Variants in SLC22A12 observed in about 807,000 individuals in gnomAD.
SLC22A12 encodes solute carrier family 22 member 12, also known as organic anion transporter 4-like protein.
A neutral mutation model predicts 52.7 loss-of-function variants in SLC22A12; 56 were observed. The observed-to-expected ratio is 1.06, with a 90% CI of 0.86 to 1.33. SLC22A12 has a LOEUF of 1.33. Among genes scored for constraint, SLC22A12 ranks in the 40% most tolerant of loss-of-function variants. SLC22A12 has a pLI of 0.00. For synonymous variants in SLC22A12, 337 were observed against 324.6 expected (o/e 1.04, Z -0.41); for missense variants, 683 against 741.5 (o/e 0.92, Z 0.92).
At position 64,591,600 on chromosome 11, in the gene SLC22A12, G is replaced by C; in HGVS notation, c.44G>C (p.Arg15Thr). The C allele has an allele frequency of 1.6e-5, 26 of 1,613,142 alleles. No homozygotes were observed. The highest frequency in any genetic ancestry group is 2.2e-5 in the Non-Finnish European group (26 of 1,180,030). Residue 15 changes from arginine (R) to threonine (T), a missense_variant, in exon 1 of 10, where the codon AGG becomes ACG. By Grantham distance (71) the Arg-to-Thr change is moderately conservative (BLOSUM62 -1). Transcript: ENST00000377574. ...ELLDLVGGLG[R>T]FQVLQTMALM... ...CTGGACCTCGTGGGTGGCCTGGGCAGGTTCCAGGTTCTCCAGACGATGGCT... is the reference window on the plus strand; with the variant it reads ...CTGGACCTCGTGGGTGGCCTGGGCACGTTCCAGGTTCTCCAGACGATGGCT...
Position 64,591,328 on chromosome 11 carries a change from TCACCTCAC to T in SLC22A12, c.-228_-221del, listed in dbSNP as rs2038909925. The T allele has an allele frequency of 2.7e-5, 16 of 591,188 alleles. No individual in the cohort carries two copies. In the Admixed American group the frequency reaches 4.8e-4, roughly 18 times the overall value. The allele number at this position is 591,188 out of a possible 1,614,324, so 36.6% of individuals were successfully genotyped here. Reference sequence around the variant, plus strand: ...TGGGGAGATGCTGGAGGTCTCGGAATCACCTCACGCGGCCTCAGGGCCCAGTTGGAGCC... The same window carrying T: ...TGGGGAGATGCTGGAGGTCTCGGAATGCGGCCTCAGGGCCCAGTTGGAGCC... On this transcript the variant is annotated 5_prime_UTR_variant, in exon 1 of 10. It adds an upstream start codon to the 5' untranslated region. Transcript: ENST00000377574.
At chr11:64,598,378 C>T in intron 4 of SLC22A12, 138 bp from the exon 5 acceptor site, 1 of 1,255,326 alleles carries the variant, frequency 8.0e-7, no homozygotes, top group Middle Eastern at 2.6e-4. Context: ...GCTTGGCTGC[C>T]ACAACGCCCT....
chr11:64,598,711 A>T, intron 5 of SLC22A12, 72 bp downstream of exon 5: 8 of 1,600,308 alleles, frequency 5.0e-6, no homozygotes, highest in Non-Finnish European at 6.8e-6. Flanking sequence ...ACCCTGGGAG[A>T]CCCACCAAGG....
Position 64,601,586 on chromosome 11 carries a change from A to T in SLC22A12, c.*35A>T. On this transcript the variant is annotated 3_prime_UTR_variant, in exon 10 of 10. Transcript: ENST00000377574. ...GAACCTGCGATGGGACGGTCAGAGG[A>T]AGAGACTTCTTCTGTTCTCTGGAGA... The T allele has an allele frequency of 6.2e-7, 1 of 1,609,036 alleles. No homozygotes were observed. The highest frequency in any genetic ancestry group is 2.2e-5 in the East Asian group (1 of 44,834).
intron 7 of SLC22A12, 97 bp downstream of exon 7, chr11:64,599,987 G>A (rs369456105): frequency 5.3e-5 from 76 of 1,438,246 alleles, no homozygotes; most frequent in Non-Finnish European, 6.8e-5. Flanking sequence ...ACTAGAGCAG[G>A]TACCCTGGTA....
chr11:64,592,949 C>A (rs1212836772), intron 2 of SLC22A12, 67 bp downstream of exon 2: 1 of 1,427,634 alleles, frequency 7.0e-7, no homozygotes. Flanking sequence ...GGACCCTGGC[C>A]GACTGGCCCC....
At chr11:64,596,820 C>A (rs1320416189) in intron 4 of SLC22A12, among the ~76,000 whole-genome samples, 2 of 152,166 alleles carry the variant, frequency 1.3e-5, no homozygotes, top group Non-Finnish European at 2.9e-5. Context: ...ATAAAAATTC[C>A]AAGGCACCCC....
rs1183452495 is a variant in SLC22A12, at chr11:64,600,495, C to T, written c.1394+20C>T. On this transcript the variant is annotated intron_variant, in intron 8 of 9. Coordinates refer to ENST00000377574, the MANE Select transcript of SLC22A12 (RefSeq NM_144585.4). ...GCTCAGGTGAGGCTGGGCCTGGGCT[C>T]CAGGAGAGGGGAGCCCTGGGCTGAG... The T allele has an allele frequency of 6.3e-7, 1 of 1,575,896 alleles. No individual in the cohort carries two copies. The highest frequency in any genetic ancestry group is 1.1e-5 in the South Asian group (1 of 86,972).
chr11:64,595,960 ATGG>A (rs2039184934), intron 4 of SLC22A12, among the ~76,000 whole-genome samples: 1 of 86,920 alleles, frequency 1.2e-5, no homozygotes, highest in African/African-American at 4.1e-5. Context: ...GGATGGATGG[ATGG>A]ATGGAATGGA....
rs190434484 is a variant in SLC22A12, at chr11:64,599,577, C to T, written c.1071-99C>T. On this transcript the variant is annotated intron_variant, in intron 6 of 9. Coordinates refer to ENST00000377574, the MANE Select transcript of SLC22A12 (RefSeq NM_144585.4). Reference sequence around the variant, plus strand: ...CCAGAACACTGAGCTAAGAGCAGCACACCCCCACCCTGAGCCCCCACCGCC... The same window carrying T: ...CCAGAACACTGAGCTAAGAGCAGCATACCCCCACCCTGAGCCCCCACCGCC... The T allele has an allele frequency of 3.4e-3, 2,625 of 771,554 alleles. 127 individuals carry two copies. Among genetic ancestry groups the T allele is most frequent in the Non-Finnish European group, 4.0e-3 (1,973 of 492,590 alleles). The allele number at this position is 771,554 out of a possible 1,614,324, so 47.8% of individuals were successfully genotyped here. A position where few individuals can be genotyped will look rare whatever the true frequency, so the allele number is the denominator to read the frequency against.
rs987215235 is a variant in SLC22A12, at chr11:64,600,995, G to A, written c.1598+57G>A. Reference sequence around the variant, plus strand: ...CCTCCCACCAGAGAACCCTAGCACAGGGCAGCCTGCTCACCCATCCCCATC... The same window carrying A: ...CCTCCCACCAGAGAACCCTAGCACAAGGCAGCCTGCTCACCCATCCCCATC... On this transcript the variant is annotated intron_variant, in intron 9 of 9. Transcript: ENST00000377574. 9 of 1,591,590 alleles carry A rather than the reference G, an allele frequency of 5.7e-6. No homozygotes were observed. The African/African-American group carries it at 1.2e-4, about 21-fold the overall frequency.
At chr11:64,595,094 A>AAGATGGAT (rs2039083781) in intron 4 of SLC22A12, among the ~76,000 whole-genome samples, 1 of 40,070 alleles carries the variant, frequency 2.5e-5, no homozygotes, top group African/African-American at 8.7e-5. Flanking sequence ...ATAGATGGAA[A>AAGATGGAT]GGATGGATGG....
chr11:64,595,249 GA>G (rs2039106134), intron 4 of SLC22A12, among the ~76,000 whole-genome samples: 1 of 134,432 alleles, frequency 7.4e-6, no homozygotes, highest in Non-Finnish European at 1.6e-5. Flanking sequence ...TGGATGGATG[GA>G]TGGAATGGAT....
chr11:64,597,364 C>T (rs1483216216), intron 4 of SLC22A12, among the ~76,000 whole-genome samples: 3 of 152,152 alleles, frequency 2.0e-5, no homozygotes, highest in Non-Finnish European at 4.4e-5. Context: ...CCACTGACCT[C>T]CAGCCTTACA....
chr11:64,595,965 T>C (rs1336759166), intron 4 of SLC22A12, among the ~76,000 whole-genome samples: 8 of 102,480 alleles, frequency 7.8e-5, no homozygotes, highest in African/African-American at 2.8e-4. Context: ...GATGGATGGA[T>C]GGAATGGATG....
chr11:64,592,043 C>G, intron 1 of SLC22A12, 85 bp downstream of exon 1: 1 of 1,548,278 alleles, frequency 6.5e-7, no homozygotes, highest in Non-Finnish European at 8.7e-7. Flanking sequence ...AAGGTCCAGT[C>G]CTGGGAGGGA....
rs2039345607 is a variant in SLC22A12 at position 64,598,928 on chromosome 11, A to G, written c.1070+5A>G. On this transcript the variant is annotated splice_donor_5th_base_variant and intron_variant, in intron 6 of 9. Transcript: ENST00000377574. ...CTGTATCTCCACGTTGTGCTGGTAGATGCCCTTCCCCCAACCCCACCTCCA... is the reference window on the plus strand; with the variant it reads ...CTGTATCTCCACGTTGTGCTGGTAGGTGCCCTTCCCCCAACCCCACCTCCA... 6.2e-7 allele frequency: 1 copy of G among 1,612,440 alleles called. No individual in the cohort carries two copies. Among genetic ancestry groups the G allele is most frequent in the African/African-American group, 1.3e-5 (1 of 75,010 alleles).
chr11:64,591,321 C>A lies in SLC22A12; in HGVS notation c.-236C>A. 1.7e-6 allele frequency: 1 copy of A among 583,116 alleles called. No homozygotes were observed. Among genetic ancestry groups the A allele is most frequent in the Non-Finnish European group, 3.0e-6 (1 of 330,632 alleles). 36.1% of individuals were successfully genotyped at this position (583,116 alleles called of 1,614,324 possible). A position where few individuals can be genotyped will look rare whatever the true frequency, so the allele number is the denominator to read the frequency against. Reference sequence around the variant, plus strand: ...GCCTCTCTGGGGAGATGCTGGAGGTCTCGGAATCACCTCACGCGGCCTCAG... The same window carrying A: ...GCCTCTCTGGGGAGATGCTGGAGGTATCGGAATCACCTCACGCGGCCTCAG... On this transcript the variant is annotated 5_prime_UTR_variant, in exon 1 of 10. Coordinates refer to ENST00000377574, the MANE Select transcript of SLC22A12 (RefSeq NM_144585.4).
At position 64,593,546 on chromosome 11, in the gene SLC22A12, C is replaced by T; in HGVS notation, c.648C>T (p.Asn216=). The T allele has an allele frequency of 1.2e-6, 2 of 1,614,214 alleles. No homozygotes were observed. Among genetic ancestry groups the T allele is most frequent in the South Asian group, 1.1e-5 (1 of 91,088 alleles). Residue 216 remains asparagine, a synonymous_variant, in exon 3 of 10, where the codon AAC becomes AAT. Transcript: ENST00000377574. ...TTGCCGTGGCAGGCGTCATGATGAA[C>T]ACGGGCACTCTCCGTAGGTCTCTGA... is the stretch of plus-strand genomic sequence containing the variant. ...LAFAVAGVMM[N]TGTLLMEWTA...
Sources: allele counts gnomAD v4.1 joint callset (sites outside exome capture counted in the v4.1 genomes callset), GRCh38; gene constraint gnomAD v4.1.1; transcripts MANE v1.5; gene names NCBI Gene and HGNC (gene_info 2026-07-23, HGNC 2026-07-21).